SLC23A2: variants seen among roughly 807,000 people sequenced by gnomAD.
SLC23A2 encodes solute carrier family 23 member 2.
A neutral mutation model predicts 73.3 loss-of-function variants in SLC23A2; 36 were observed. The observed-to-expected ratio is 0.49, with a 90% CI of 0.38 to 0.65. SLC23A2 has a LOEUF of 0.65. Among genes scored for constraint, SLC23A2 ranks in the 30% least tolerant of loss-of-function variants. The pLI, the probability that SLC23A2 is intolerant of heterozygous loss-of-function variation, is 0.00. For synonymous variants in SLC23A2, 343 were observed against 327.3 expected (o/e 1.05, Z -0.52); for missense variants, 507 against 841.6 (o/e 0.60, Z 4.92).
rs1483139838 is a variant in SLC23A2, at chr20:4,862,365, T to C, written c.1487-280A>G. ...GAAAACTAAGGACATTGGTTCTCTC[T>C]CTACACAAACATTTTGATTAAACAG... On this transcript the variant is annotated intron_variant, in intron 14 of 16. Transcript: ENST00000338244. The surrounding 1 kb of genome is among the most constrained non-coding windows in gnomAD (Gnocchi z 5.1). 6.6e-6 allele frequency among the ~76,000 whole-genome samples: 1 copy of C among 152,240 alleles called. No individual in the cohort carries two copies. The highest frequency in any genetic ancestry group is 1.5e-5 in the Non-Finnish European group (1 of 68,048).
At chr20:4,963,923 G>C (rs2087432722) in intron 2 of SLC23A2, among the ~76,000 whole-genome samples, 1 of 152,074 alleles carries the variant, frequency 6.6e-6, no homozygotes, top group African/African-American at 2.4e-5. Context: ...AATTGTAATT[G>C]TAAATTTAGT....
At chr20:4,938,619 C>T (rs1388595468) in intron 2 of SLC23A2, among the ~76,000 whole-genome samples, 5 of 152,176 alleles carry the variant, frequency 3.3e-5, no homozygotes, top group Admixed American at 6.5e-5. Context: ...GCCACCATGC[C>T]GGGCCCCTCA....
chr20:4,918,087 A>G (rs1006943827), intron 3 of SLC23A2, among the ~76,000 whole-genome samples: 1 of 152,226 alleles, frequency 6.6e-6, no homozygotes, highest in Non-Finnish European at 1.5e-5. Context: ...GCAAAGCTTC[A>G]TATTTTGGAA....
intron 4 of SLC23A2, among the ~76,000 whole-genome samples, chr20:4,904,850 T>C (rs1401924377): frequency 2.6e-5 from 4 of 152,188 alleles, no homozygotes; most frequent in Non-Finnish European, 5.9e-5. Flanking sequence ...CTAGGTGCAG[T>C]GGCTCACATC....
At chr20:4,933,895 A>G (rs1932816482) in intron 2 of SLC23A2, among the ~76,000 whole-genome samples, 1 of 152,228 alleles carries the variant, frequency 6.6e-6, no homozygotes, top group Non-Finnish European at 1.5e-5. Flanking sequence ...GTTTGGAAAT[A>G]CAAGTACAGA....
At chr20:4,999,093 C>T (rs1027159605) in intron 1 of SLC23A2, among the ~76,000 whole-genome samples, 1 of 152,176 alleles carries the variant, frequency 6.6e-6, no homozygotes, top group Non-Finnish European at 1.5e-5. Context: ...GCATGAGCCA[C>T]CATGCCCAGC....
At chr20:4,908,112 T>C (rs75474769) in intron 4 of SLC23A2, among the ~76,000 whole-genome samples, 2,072 of 152,286 alleles carry the variant, frequency 0.014, 37 homozygotes, top group African/African-American at 0.047. Flanking sequence ...AAAACATGCA[T>C]AATTGCAGCT....
rs777833284 is a variant in SLC23A2 at position 4,874,001 on chromosome 20, T to G, written c.1037A>C (p.Tyr346Ser). The change falls in exon 11 of 17, where the codon TAT becomes TCT. Residue 346 changes from tyrosine to serine, a missense_variant. Tyr to Ser is a moderately radical substitution (Grantham distance 144). Coordinates refer to ENST00000338244, the MANE Select transcript of SLC23A2 (RefSeq NM_005116.6). ...FPPDSTKYGF[Y>S]ARTDARQGVL... The stretch of plus-strand genomic sequence containing the variant: ...GCCTTGCCTGGCATCTGTGCGAGCA[T>G]AGAAGCCATACTTTGTGCTGTCGGG... 1 of 1,614,050 alleles carries G rather than the reference T, an allele frequency of 6.2e-7. No individual in the cohort carries two copies. Among genetic ancestry groups the G allele is most frequent in the South Asian group, 1.1e-5 (1 of 91,086 alleles).
chr20:5,002,224 G>A (rs1450326723), upstream of SLC23A2, among the ~76,000 whole-genome samples: 1 of 152,128 alleles, frequency 6.6e-6, no homozygotes, highest in Non-Finnish European at 1.5e-5. Context: ...GCCTCACTTT[G>A]AGGACTTCAT....
chr20:4,859,243 T>TG, intron 16 of SLC23A2, 46 bp downstream of exon 16: 2 of 1,075,572 alleles, frequency 1.9e-6, no homozygotes, highest in South Asian at 2.9e-5. Context: ...AACACATATG[T>TG]TAAAAAATAA....
At chr20:4,881,258 G>A (rs999243600) in intron 9 of SLC23A2, among the ~76,000 whole-genome samples, 9 of 152,182 alleles carry the variant, frequency 5.9e-5, no homozygotes, top group Non-Finnish European at 1.0e-4. Context: ...GGGCAAAATA[G>A]GGGCTGGATC....
intron 1 of SLC23A2, among the ~76,000 whole-genome samples, chr20:4,986,711 G>T (rs2087836672): frequency 8.3e-6 from 1 of 120,620 alleles, no homozygotes; most frequent in Admixed American, 9.1e-5. Context: ...TAAATAGAGA[G>T]AAGTGGGTCA....
At chr20:4,963,091 T>G (rs1405913404) in intron 2 of SLC23A2, among the ~76,000 whole-genome samples, 1 of 152,166 alleles carries the variant, frequency 6.6e-6, no homozygotes, top group Non-Finnish European at 1.5e-5. Context: ...TGCTATTCCC[T>G]CTACCTGGAA....
rs569239684 is a variant in SLC23A2, at chr20:4,951,087, A to C, written c.-154-18371T>G. Among the ~76,000 whole-genome samples, 11 of 152,360 alleles carry C rather than the reference A, an allele frequency of 7.2e-5. No individual in the cohort carries two copies. The South Asian group carries it at 2.1e-3, about 29-fold the overall frequency. On this transcript the variant is annotated intron_variant, in intron 2 of 16. Transcript: ENST00000338244. ...CAGGTCAACACGCCTAGGGGAGCCA[A>C]GAACGGTATTCAGGACATGCTGTGA...
rs1193550473 is a variant in SLC23A2 at position 4,992,046 on chromosome 20, G to A, written c.-282+9360C>T. 3.0e-4 allele frequency among the ~76,000 whole-genome samples: 46 copies of A among 152,050 alleles called. 1 individual carries two copies. The highest frequency in any genetic ancestry group is 3.0e-3 in the Admixed American group (46 of 15,230). ...AATCACTTGAACCTGGGAGGCAGAG[G>A]TTGCAGTGAGCCGAGATCGCGCCAT... On this transcript the variant is annotated intron_variant, in intron 1 of 16. Transcript: ENST00000338244.
At chr20:4,956,449 G>T (rs1196904339) in intron 2 of SLC23A2, among the ~76,000 whole-genome samples, 3 of 152,182 alleles carry the variant, frequency 2.0e-5, no homozygotes, top group Non-Finnish European at 4.4e-5. Context: ...CTAAATGTAA[G>T]ATTTTTAAAA....
intron 1 of SLC23A2, among the ~76,000 whole-genome samples, chr20:5,000,400 C>A (rs1215957496): frequency 6.6e-6 from 1 of 152,164 alleles, no homozygotes; most frequent in Admixed American, 6.5e-5. Context: ...CAATTAGTGA[C>A]AGCTCAAACC....
intron 9 of SLC23A2, among the ~76,000 whole-genome samples, chr20:4,877,163 A>C (rs1930691070): frequency 1.3e-5 from 2 of 151,912 alleles, no homozygotes; most frequent in African/African-American, 4.8e-5. Context: ...AAGTATAATA[A>C]AATATAAATA....
At chr20:4,980,440 G>A (rs1328780437) in intron 1 of SLC23A2, among the ~76,000 whole-genome samples, 1 of 151,950 alleles carries the variant, frequency 6.6e-6, no homozygotes, top group Admixed American at 6.6e-5. Flanking sequence ...ACATTGCTAA[G>A]TAAAAAACAG....
Sources: gnomAD v4.1 joint callset for allele counts (sites outside exome capture counted in the v4.1 genomes callset) on GRCh38, gnomAD v4.1.1 for gene constraint, Gnocchi (gnomAD v3.1) non-coding constraint, MANE v1.5 for transcripts, NCBI Gene and HGNC (gene_info 2026-07-23, HGNC 2026-07-21) for gene names.